Variants in CCDC141 observed in about 807,000 individuals in gnomAD.
CCDC141 encodes the protein coiled-coil domain containing 141.
Under a neutral mutation model 181.0 loss-of-function variants are expected in CCDC141, and 168 were observed. That is an observed-to-expected ratio of 0.93 (90% CI 0.82 to 1.05). The LOEUF is 1.05. CCDC141 is among the 50% of genes least tolerant of loss of function. The pLI is 0.00. For missense variants in CCDC141, 1,902 were observed against 1,788.5 expected (o/e 1.06, Z -1.14); for synonymous variants, 666 against 642.3 (o/e 1.04, Z -0.56).
intron 8 of CCDC141, among the ~76,000 whole-genome samples, chr2:178,894,081 G>A (rs1687294175): frequency 6.6e-6 from 1 of 152,090 alleles, no homozygotes; most frequent in Non-Finnish European, 1.5e-5. Context: ...GGCTGAAAAT[G>A]CTGCAGCCAA....
chr2:179,024,743 A>G (rs1298535197), intron 2 of CCDC141, among the ~76,000 whole-genome samples: 3 of 152,142 alleles, frequency 2.0e-5, no homozygotes, highest in Admixed American at 6.5e-5. Flanking sequence ...TTTTCTCCAA[A>G]TGTTTGTGAT....
intron 6 of CCDC141, among the ~76,000 whole-genome samples, chr2:178,930,336 G>C (rs2154375745): frequency 6.6e-6 from 1 of 152,226 alleles, no homozygotes; most frequent in African/African-American, 2.4e-5. Context: ...GATATCACAT[G>C]ATCATGAATT....
chr2:179,032,738 C>A (rs532111050), intron 2 of CCDC141, among the ~76,000 whole-genome samples: 55 of 152,140 alleles, frequency 3.6e-4, no homozygotes, highest in African/African-American at 1.3e-3. Flanking sequence ...ATGATCATTT[C>A]ATCTTTCCTG....
chr2:178,823,563 GAA>G, the CCDC141 span, among the ~76,000 whole-genome samples: 8 of 152,100 alleles, frequency 5.3e-5, no homozygotes, highest in African/African-American at 9.7e-5. Flanking sequence ...ATGGAAGCTT[GAA>G]ATACCATAAC....
intron 12 of CCDC141, chr2:178,874,842 G>T (rs1320636535): frequency 6.6e-6 from 1 of 152,224 alleles, no homozygotes; most frequent in Non-Finnish European, 1.5e-5. Context: ...CAAGCACAAT[G>T]ATCTTCTAAA....
At chr2:179,004,601 G>T (rs2042072235) in intron 2 of CCDC141, among the ~76,000 whole-genome samples, 1 of 152,136 alleles carries the variant, frequency 6.6e-6, no homozygotes, top group Non-Finnish European at 1.5e-5. Flanking sequence ...TCAAGATGAA[G>T]ATGCCATCTG....
At chr2:178,846,245 C>T (rs1461954145) in intron 21 of CCDC141, among the ~76,000 whole-genome samples, 1 of 152,090 alleles carries the variant, frequency 6.6e-6, no homozygotes, top group Non-Finnish European at 1.5e-5. Context: ...ACACAGGATG[C>T]TTCATGTGGT....
At chr2:178,938,986 C>T (rs1252276238) in intron 6 of CCDC141, among the ~76,000 whole-genome samples, 1 of 152,068 alleles carries the variant, frequency 6.6e-6, no homozygotes, top group Admixed American at 6.6e-5. Context: ...ATTATAATTC[C>T]CTTTTCTCTA....
At chr2:179,012,595 ACCCT>A (rs1406695220) in intron 2 of CCDC141, among the ~76,000 whole-genome samples, 1 of 151,616 alleles carries the variant, frequency 6.6e-6, no homozygotes, top group African/African-American at 2.4e-5. Flanking sequence ...TAAAGAAGGA[ACCCT>A]CCCTAATTCA....
chr2:179,012,897 A>T (rs1048821796), intron 2 of CCDC141, among the ~76,000 whole-genome samples: 3 of 152,124 alleles, frequency 2.0e-5, no homozygotes, highest in Admixed American at 1.3e-4. Context: ...CAGAAAAAGC[A>T]CTCAACAAAA....
intron 8 of CCDC141, among the ~76,000 whole-genome samples, chr2:178,893,825 A>ACG (rs1222026033): frequency 0.024 from 2,551 of 104,160 alleles, 37 homozygotes; most frequent in East Asian, 0.058. Context: ...ACACACACGC[A>ACG]CACACACACA....
intron 6 of CCDC141, among the ~76,000 whole-genome samples, chr2:178,922,148 T>C (rs184302041): frequency 1.8e-4 from 28 of 152,340 alleles, no homozygotes; most frequent in Admixed American, 3.3e-4. Context: ...TTGTCTTAAC[T>C]GTCTGCAAGA....
intron 5 of CCDC141, among the ~76,000 whole-genome samples, chr2:178,948,664 T>A (rs747368626): frequency 6.6e-6 from 1 of 152,176 alleles, no homozygotes; most frequent in Non-Finnish European, 1.5e-5. Context: ...CATGAATAGA[T>A]TAATGCCCTC....
chr2:178,917,650 C>T (rs1339701724), intron 7 of CCDC141, among the ~76,000 whole-genome samples: 5 of 152,156 alleles, frequency 3.3e-5, no homozygotes, highest in Non-Finnish European at 5.9e-5. Flanking sequence ...GTGTATATTA[C>T]ATTGGAAAAG....
chr2:178,986,343 A>G (rs1187218320), intron 2 of CCDC141, among the ~76,000 whole-genome samples: 2 of 152,152 alleles, frequency 1.3e-5, no homozygotes, highest in Admixed American at 6.5e-5. Flanking sequence ...ATCTATGACA[A>G]ACCCACAGCC....
intron 3 of CCDC141, among the ~76,000 whole-genome samples, chr2:178,978,026 G>T (rs550896314): frequency 4.9e-4 from 74 of 152,234 alleles, no homozygotes; most frequent in Non-Finnish European, 8.4e-4. Flanking sequence ...CTATATTTAT[G>T]AATCAAATAT....
chr2:178,899,361 C>T (rs897156490), intron 8 of CCDC141, among the ~76,000 whole-genome samples: 5 of 152,118 alleles, frequency 3.3e-5, no homozygotes, highest in African/African-American at 4.8e-5. Flanking sequence ...CACTGTTAAA[C>T]AATGTATCAC....
At chr2:179,009,596 C>T (rs1465621755) in intron 2 of CCDC141, among the ~76,000 whole-genome samples, 1 of 147,950 alleles carries the variant, frequency 6.8e-6, no homozygotes, top group Non-Finnish European at 1.5e-5. Context: ...GTTGTCTGCA[C>T]AGAGTCCTGT....
intron 2 of CCDC141, among the ~76,000 whole-genome samples, chr2:179,039,985 T>C (rs1042579473): frequency 5.3e-5 from 8 of 152,182 alleles, no homozygotes; most frequent in Non-Finnish European, 2.9e-5. Flanking sequence ...ATTAGGTATA[T>C]CTAGATGATA....
Sources: allele counts gnomAD v4.1 joint callset (sites outside exome capture counted in the v4.1 genomes callset), GRCh38; gene constraint gnomAD v4.1.1; transcripts MANE v1.5; gene names NCBI Gene and HGNC (gene_info 2026-07-23, HGNC 2026-07-21).